Variants in BCKDHB observed in about 807,000 individuals in gnomAD.
BCKDHB encodes 2-oxoisovalerate dehydrogenase subunit beta, mitochondrial.
Under a neutral mutation model 48.5 loss-of-function variants are expected in BCKDHB, and 41 were observed. The observed-to-expected ratio is 0.85, with a 90% CI of 0.66 to 1.10. The LOEUF (loss-of-function observed/expected upper bound fraction) is 1.10. BCKDHB is among the 50% of genes least tolerant of loss of function. The pLI is 0.00. For synonymous variants in BCKDHB, 201 were observed against 174.8 expected (o/e 1.15, Z -1.18); for missense variants, 496 against 494.2 (o/e 1.00, Z -0.03).
intron 1 of BCKDHB, among the ~76,000 whole-genome samples, chr6:80,116,292 T>C (rs1769700725): frequency 6.6e-6 from 1 of 152,256 alleles, no homozygotes; most frequent in Non-Finnish European, 1.5e-5. Context: ...TCTTTGAATG[T>C]GACATTGGTA....
chr6:80,224,244 T>C (rs1347687169), intron 8 of BCKDHB, among the ~76,000 whole-genome samples: 1 of 152,094 alleles, frequency 6.6e-6, no homozygotes, highest in Non-Finnish European at 1.5e-5. Context: ...CCCAGAAGGC[T>C]CCCATGAGGT....
chr6:80,420,688 T>C, the BCKDHB span, among the ~76,000 whole-genome samples: 1,319 of 152,274 alleles, frequency 8.7e-3, 6 homozygotes, highest in Non-Finnish European at 0.013. Flanking sequence ...CTGTTGAGCA[T>C]TGTGCAGGTT....
the BCKDHB span, among the ~76,000 whole-genome samples, chr6:80,396,509 A>G: frequency 6.6e-6 from 1 of 152,106 alleles, no homozygotes; most frequent in Admixed American, 6.5e-5. Flanking sequence ...TGTGTTTTGA[A>G]ATGTGAGAAA....
intron 3 of BCKDHB, among the ~76,000 whole-genome samples, chr6:80,141,427 T>C (rs1356734953): frequency 6.6e-6 from 1 of 152,096 alleles, no homozygotes; most frequent in Non-Finnish European, 1.5e-5. Context: ...TCTGAGTGCA[T>C]TAGGTTGTTC....
chr6:80,409,595 T>TG, the BCKDHB span, among the ~76,000 whole-genome samples: 2 of 49,962 alleles, frequency 4.0e-5, no homozygotes, highest in African/African-American at 2.7e-4. Context: ...TATATATATA[T>TG]ATATATATAT....
chr6:80,155,146 C>T (rs534928852), intron 3 of BCKDHB, among the ~76,000 whole-genome samples: 1 of 152,170 alleles, frequency 6.6e-6, no homozygotes, highest in African/African-American at 2.4e-5. Flanking sequence ...GTTTTCTTAA[C>T]ATGCTTTTTA....
chr6:80,310,464 G>C (rs1768098903), intron 9 of BCKDHB, among the ~76,000 whole-genome samples: 1 of 152,154 alleles, frequency 6.6e-6, no homozygotes, highest in Admixed American at 6.5e-5. Context: ...AGTATTCCAT[G>C]GTTTATATGT....
At chr6:80,409,786 C>T in the BCKDHB span, among the ~76,000 whole-genome samples, 6 of 151,170 alleles carry the variant, frequency 4.0e-5, no homozygotes, top group East Asian at 9.8e-4. Flanking sequence ...ATAGATTTTC[C>T]TCTATCCCTT....
At chr6:80,263,112 C>G (rs531165104) in intron 8 of BCKDHB, among the ~76,000 whole-genome samples, 1 of 152,206 alleles carries the variant, frequency 6.6e-6, no homozygotes, top group South Asian at 2.1e-4. Context: ...TCACTAATAT[C>G]CTATTAGCAA....
chr6:80,165,331 T>G (rs1772517252), intron 3 of BCKDHB, among the ~76,000 whole-genome samples: 1 of 152,144 alleles, frequency 6.6e-6, no homozygotes, highest in Non-Finnish European at 1.5e-5. Context: ...AGGTCACAAT[T>G]TCAGAAGATA....
intron 3 of BCKDHB, among the ~76,000 whole-genome samples, chr6:80,157,921 T>C (rs1772130463): frequency 1.3e-5 from 2 of 152,250 alleles, no homozygotes; most frequent in South Asian, 4.1e-4. Flanking sequence ...CATATCTAGA[T>C]ATCTTAGTAC....
chr6:80,416,681 G>T, the BCKDHB span, among the ~76,000 whole-genome samples: 1 of 151,870 alleles, frequency 6.6e-6, no homozygotes, highest in Non-Finnish European at 1.5e-5. Flanking sequence ...CATTTGCTGA[G>T]GAGTATTTTA....
At chr6:80,359,077 G>T in the BCKDHB span, among the ~76,000 whole-genome samples, 1 of 152,162 alleles carries the variant, frequency 6.6e-6, no homozygotes, top group Non-Finnish European at 1.5e-5. Context: ...ATGGGCAGCA[G>T]CCCAGTTCAC....
At chr6:80,413,243 C>CA in the BCKDHB span, among the ~76,000 whole-genome samples, 7 of 151,606 alleles carry the variant, frequency 4.6e-5, no homozygotes, top group African/African-American at 1.7e-4. Context: ...AACATATTAG[C>CA]AAAAAAAAGT....
the BCKDHB span, among the ~76,000 whole-genome samples, chr6:80,406,005 G>A: frequency 7.2e-5 from 11 of 152,052 alleles, no homozygotes; most frequent in African/African-American, 2.2e-4. Flanking sequence ...GCCCCAGGGT[G>A]TGATGTTCCC....
At chr6:80,205,834 G>GTA (rs67610591) in intron 8 of BCKDHB, among the ~76,000 whole-genome samples, 2 of 129,968 alleles carry the variant, frequency 1.5e-5, no homozygotes, top group Non-Finnish European at 3.5e-5. Context: ...GTGTGTGTGT[G>GTA]TAGGTGGATT....
intron 5 of BCKDHB, 35 bp downstream of exon 5, chr6:80,169,065 T>A (rs1772756913): frequency 6.2e-7 from 1 of 1,603,556 alleles, no homozygotes; most frequent in Non-Finnish European, 8.5e-7. Context: ...TGATTTCTAT[T>A]TGATGTTTCC....
At chr6:80,244,595 CT>C (rs1484110201) in intron 8 of BCKDHB, among the ~76,000 whole-genome samples, 1 of 152,158 alleles carries the variant, frequency 6.6e-6, no homozygotes, top group Non-Finnish European at 1.5e-5. Context: ...GCTCATGTGG[CT>C]TATACTTTAT....
chr6:80,436,716 A>T, the BCKDHB span, among the ~76,000 whole-genome samples: 1 of 152,142 alleles, frequency 6.6e-6, no homozygotes, highest in Non-Finnish European at 1.5e-5. Flanking sequence ...TAAATATTTG[A>T]TTAATACTCT....
Sources: allele counts gnomAD v4.1 joint callset (sites outside exome capture counted in the v4.1 genomes callset), GRCh38; gene constraint gnomAD v4.1.1; transcripts MANE v1.5; gene names NCBI Gene and HGNC (gene_info 2026-07-23, HGNC 2026-07-21).